TMTC2: variants seen among roughly 807,000 people sequenced by gnomAD.
The protein encoded by TMTC2 is protein O-mannosyl-transferase TMTC2.
TMTC2 carries 43 observed loss-of-function variants against 82.4 expected under a neutral mutation model. The observed-to-expected ratio is 0.52, with a 90% confidence interval of 0.41 to 0.67. The LOEUF (loss-of-function observed/expected upper bound fraction) is 0.67, where lower values mean the gene tolerates loss of function less well. Among genes scored for constraint, TMTC2 ranks in the 30% least tolerant of loss-of-function variants. The pLI is 0.00. For synonymous variants in TMTC2, 408 were observed against 381.9 expected (o/e 1.07, Z -0.80); for missense variants, 919 against 1,012.4 (o/e 0.91, Z 1.25).
At chr12:82,748,284 G>A (rs903206701) in intron 1 of TMTC2, among the ~76,000 whole-genome samples, 3 of 151,986 alleles carry the variant, frequency 2.0e-5, no homozygotes, top group East Asian at 1.9e-4. Context: ...GCACTCCAGC[G>A]TGGGCGACAG....
At chr12:83,059,950 G>C (rs376939345) in intron 10 of TMTC2, among the ~76,000 whole-genome samples, 2 of 151,468 alleles carry the variant, frequency 1.3e-5, no homozygotes, top group Non-Finnish European at 1.5e-5. Context: ...TATTTTCCTC[G>C]GGAGAAAACC....
intron 1 of TMTC2, among the ~76,000 whole-genome samples, chr12:82,806,387 C>A (rs933476000): frequency 1.3e-5 from 2 of 152,038 alleles, no homozygotes; most frequent in African/African-American, 4.8e-5. Flanking sequence ...CTGCAAGGAC[C>A]AAAGAAGAAT....
chr12:83,119,116 T>A (rs1349005650), intron 11 of TMTC2, among the ~76,000 whole-genome samples: 1 of 152,198 alleles, frequency 6.6e-6, no homozygotes, highest in African/African-American at 2.4e-5. Context: ...CTGTTTCATT[T>A]ATCTTTTGGA....
intron 11 of TMTC2, among the ~76,000 whole-genome samples, chr12:83,127,650 C>G (rs1885136460): frequency 6.6e-6 from 1 of 152,200 alleles, no homozygotes; most frequent in South Asian, 2.1e-4. Context: ...TATTTTCTTT[C>G]CAATCCTACA....
In TMTC2 at chr12:82,854,373, A is replaced by G. The variant is rs560380484; in HGVS notation, c.84-2637A>G. 1.1e-4 allele frequency among the ~76,000 whole-genome samples: 17 copies of G among 152,294 alleles called. 1 individual carries two copies. In the South Asian group the frequency reaches 3.3e-3, roughly 30 times the overall value. On this transcript the variant is annotated intron_variant, in intron 1 of 11. Coordinates refer to ENST00000321196, the MANE Select transcript of TMTC2 (RefSeq NM_152588.3). ...TCAATCTTACTGCTCTGCTCTCTGC[A>G]TGATTTCTATTCCTAAGGACACCTT...
At chr12:83,124,202 G>T (rs1314791809) in intron 11 of TMTC2, among the ~76,000 whole-genome samples, 1 of 152,164 alleles carries the variant, frequency 6.6e-6, no homozygotes, top group Non-Finnish European at 1.5e-5. Context: ...TATTGCTTTT[G>T]TTCACTGCGT....
chr12:83,042,742 G>T (rs1157656631), intron 9 of TMTC2, among the ~76,000 whole-genome samples: 1 of 152,140 alleles, frequency 6.6e-6, no homozygotes, highest in Non-Finnish European at 1.5e-5. Flanking sequence ...AATAAATTCA[G>T]TAAAGTACTT....
chr12:82,694,821 A>T (rs1872719130), intron 1 of TMTC2, among the ~76,000 whole-genome samples: 1 of 152,126 alleles, frequency 6.6e-6, no homozygotes. Context: ...CCATGTGATC[A>T]TAATTTGTTT....
intron 1 of TMTC2, among the ~76,000 whole-genome samples, chr12:82,818,171 A>G (rs1868862446): frequency 6.6e-6 from 1 of 151,942 alleles, no homozygotes; most frequent in Admixed American, 6.6e-5. Context: ...TTTATTTCTT[A>G]TTGCAGTACT....
chr12:82,898,770 A>C (rs1287251666), intron 3 of TMTC2, among the ~76,000 whole-genome samples: 1 of 152,222 alleles, frequency 6.6e-6, no homozygotes, highest in African/African-American at 2.4e-5. Context: ...GCTTGTTCAC[A>C]GACCACTGGG....
intron 3 of TMTC2, among the ~76,000 whole-genome samples, chr12:82,902,054 A>T (rs906308291): frequency 6.6e-6 from 1 of 152,116 alleles, no homozygotes; most frequent in South Asian, 2.1e-4. Context: ...GTTGAGAGGA[A>T]TGGTTTTCCC....
At chr12:82,710,510 C>G (rs1029033947) in intron 1 of TMTC2, among the ~76,000 whole-genome samples, 1 of 152,190 alleles carries the variant, frequency 6.6e-6, no homozygotes, top group Admixed American at 6.5e-5. Context: ...GTAATTCCAT[C>G]TCAGATAATT....
At chr12:83,127,251 A>T (rs1885124491) in intron 11 of TMTC2, among the ~76,000 whole-genome samples, 1 of 152,204 alleles carries the variant, frequency 6.6e-6, no homozygotes, top group Admixed American at 6.6e-5. Flanking sequence ...TTTAAAAGTT[A>T]TTTAGTTTAC....
chr12:82,790,401 T>G (rs1878408308), intron 1 of TMTC2, among the ~76,000 whole-genome samples: 1 of 152,098 alleles, frequency 6.6e-6, no homozygotes, highest in Non-Finnish European at 1.5e-5. Context: ...AGTAATTTGT[T>G]TGGCTTTGGT....
rs143834526 is a variant in TMTC2 at position 82,887,750 on chromosome 12, A to G, written c.655-8068A>G. On this transcript the variant is annotated intron_variant, in intron 2 of 11. Transcript: ENST00000321196. ...GAGCTGATTTCCTTTTTTATGTTAAATAACTTTAAAAATGAACATATTTGA... is the reference window on the plus strand; with the variant it reads ...GAGCTGATTTCCTTTTTTATGTTAAGTAACTTTAAAAATGAACATATTTGA... Among the ~76,000 whole-genome samples the G allele has an allele frequency of 4.3e-4, 66 of 152,312 alleles. No homozygotes were observed. The East Asian group carries it at 9.4e-3, about 22-fold the overall frequency.
intron 1 of TMTC2, among the ~76,000 whole-genome samples, chr12:82,813,486 T>C (rs935734895): frequency 6.6e-6 from 1 of 152,114 alleles, no homozygotes; most frequent in Non-Finnish European, 1.5e-5. Flanking sequence ...GCCTTCTTTC[T>C]AAACCCTTAA....
Position 83,132,564 on chromosome 12 carries a change from AC to A in TMTC2, c.*176del, listed in dbSNP as rs1211338453. 2.9e-6 allele frequency: 2 copies of A among 679,568 alleles called. No individual in the cohort carries two copies. Among genetic ancestry groups the A allele is most frequent in the Admixed American group, 7.1e-5 (2 of 28,196 alleles). The allele number at this position is 679,568 out of a possible 1,614,324, so 42.1% of individuals were successfully genotyped here. A position where few individuals can be genotyped will look rare whatever the true frequency, so the allele number is the denominator to read the frequency against. On this transcript the variant is annotated 3_prime_UTR_variant, in exon 12 of 12. Coordinates refer to ENST00000321196, the MANE Select transcript of TMTC2 (RefSeq NM_152588.3). ...CACTTTGCTGTAGGCACAGCTGTTAACACCAAAAAGGGGAAAGCCGGAAACC... is the reference window on the plus strand; with the variant it reads ...CACTTTGCTGTAGGCACAGCTGTTAAACCAAAAAGGGGAAAGCCGGAAACC...
intron 2 of TMTC2, among the ~76,000 whole-genome samples, chr12:82,870,942 C>A (rs1872142714): frequency 6.6e-6 from 1 of 152,148 alleles, no homozygotes; most frequent in African/African-American, 2.4e-5. Context: ...AATTTGTAGT[C>A]TTTGATTCTC....
chr12:82,770,274 G>C (rs1004136870), intron 1 of TMTC2, among the ~76,000 whole-genome samples: 1 of 152,060 alleles, frequency 6.6e-6, no homozygotes, highest in Non-Finnish European at 1.5e-5. Flanking sequence ...ATAGACATAT[G>C]CATTTGATGA....
Sources: allele counts gnomAD v4.1 joint callset (sites outside exome capture counted in the v4.1 genomes callset), GRCh38; gene constraint gnomAD v4.1.1; transcripts MANE v1.5; gene names NCBI Gene and HGNC (gene_info 2026-07-23, HGNC 2026-07-21).